ZNF780A: variants seen among roughly 807,000 people sequenced by gnomAD.
ZNF780A encodes zinc finger protein 780A.
In ZNF780A, 40 loss-of-function variants were observed where a neutral mutation model predicts 56.7. The ratio of observed to expected loss-of-function variants is 0.71; its 90% CI spans 0.55 to 0.92. The LOEUF (loss-of-function observed/expected upper bound fraction) is 0.92, where lower values mean the gene tolerates loss of function less well. Ranked by LOEUF, ZNF780A falls within the 40% of genes least tolerant of loss-of-function variation. ZNF780A has a pLI of 0.00. For synonymous variants in ZNF780A, 231 were observed against 248.3 expected, an observed-to-expected ratio of 0.93 and a Z score of 0.66; for missense variants, 672 against 783.3, an observed-to-expected ratio of 0.86 and a Z score of 1.70.
downstream of ZNF780A, chr19:40,070,163 A>G (rs551940043): frequency 2.6e-5 from 4 of 152,296 alleles, no homozygotes; most frequent in South Asian, 4.1e-4. Context: ...AGTTACTCCA[A>G]TAAGATATGA....
Position 40,075,135 on chromosome 19 carries a change from T to C in ZNF780A, c.1307A>G (p.Gln436Arg). Residue 436 changes from glutamine to arginine, a missense_variant, in exon 6 of 6, where the codon CAG becomes CGG. By Grantham distance (43) the Gln-to-Arg change is conservative. Transcript: ENST00000683561. ...AGGTTTCTCATTGGAATGAATTTTC[T>C]GATGCTGAATAAGGTGTGCACCACG... ...FNRGAHLIQH[Q>R]KIHSNEKPFV... The C allele has an allele frequency of 6.2e-7, 1 of 1,614,080 alleles. No homozygotes were observed. Among genetic ancestry groups the C allele is most frequent in the East Asian group, 2.2e-5 (1 of 44,860 alleles).
chr19:40,074,859 G>C lies in ZNF780A; in HGVS notation c.1583C>G (p.Pro528Arg), dbSNP rs772399293. Residue 528 changes from proline to arginine, a missense_variant, in exon 6 of 6, where the codon CCA becomes CGA. By Grantham distance (103) the Pro-to-Arg change is moderately radical. Transcript: ENST00000683561. ...TTTCCCACATTCCTTACATTCAAAT[G>C]GTTTTTCACCTGTGTGAGTTTTCTG... ...QHQKTHTGEK[P>R]FECKECGKFF... 1.9e-6 allele frequency: 3 copies of C among 1,614,150 alleles called. No homozygotes were observed. Among genetic ancestry groups the C allele is most frequent in the South Asian group, 2.2e-5 (2 of 91,074 alleles).
At position 40,073,660 on chromosome 19, in the gene ZNF780A, G is replaced by A. The variant is rs928937177; in HGVS notation, c.*856C>T. 21 of 985,688 alleles carry A rather than the reference G, an allele frequency of 2.1e-5. No individual in the cohort carries two copies. In the East Asian group the frequency reaches 3.4e-4, roughly 16 times the overall value. 61.1% of individuals were successfully genotyped at this position (985,688 alleles called of 1,614,324 possible). On this transcript the variant is annotated 3_prime_UTR_variant, in exon 6 of 6. Coordinates refer to ENST00000683561, the MANE Select transcript of ZNF780A (RefSeq NM_001142578.2). ...AAGGTATTTAGTGTGGCTATAAAAC[G>A]CCCCACATTCCTTACACTCAAAGAT...
At chr19:40,089,276 G>T in intron 2 of ZNF780A, 5 of 1,424,022 alleles carry the variant, frequency 3.5e-6, no homozygotes, top group Non-Finnish European at 4.7e-6. Flanking sequence ...ACTTCATGTT[G>T]CACATGATAA....
chr19:40,083,313 G>A (rs769788826), intron 3 of ZNF780A, 76 bp from the exon 4 acceptor site: 1 of 1,581,694 alleles, frequency 6.3e-7, no homozygotes, highest in Admixed American at 1.9e-5. Flanking sequence ...AAGTGAAGGA[G>A]TGTAGTGTAA....
rs533684472 is a variant in ZNF780A, at chr19:40,086,772, G to A, written c.-45-1974C>T. On this transcript the variant is annotated intron_variant, in intron 2 of 5. Coordinates refer to ENST00000683561, the MANE Select transcript of ZNF780A (RefSeq NM_001142578.2). ...GGCTGGAGTGCTGTGGCCTGATCTC[G>A]GCTCACTGCAACCTCAGCCTCCCAG... Among the ~76,000 whole-genome samples, 7 of 152,040 alleles carry A rather than the reference G, an allele frequency of 4.6e-5. No individual in the cohort carries two copies. The East Asian group carries it at 7.7e-4, about 17-fold the overall frequency.
At position 40,075,198 on chromosome 19, in the gene ZNF780A, T is replaced by C; in HGVS notation, c.1244A>G (p.Lys415Arg). The change falls in exon 6 of 6, where the codon AAA becomes AGA. Residue 415 changes from lysine to arginine, a missense_variant. Coordinates refer to ENST00000683561, the MANE Select transcript of ZNF780A (RefSeq NM_001142578.2). Reference sequence around the variant, plus strand: ...CCCACACTCCTTACATTCATATGGTTTTATACCAGCATGAATACTCTGATG... The same window carrying C: ...CCCACACTCCTTACATTCATATGGTCTTATACCAGCATGAATACTCTGATG... ...VQHQSIHAGI[K>R]PYECKECGKG... 1 of 1,613,348 alleles carries C rather than the reference T, an allele frequency of 6.2e-7. No homozygotes were observed.
chr19:40,074,184 A>G lies in ZNF780A; in HGVS notation c.*332T>C. On this transcript the variant is annotated 3_prime_UTR_variant, in exon 6 of 6. Coordinates refer to ENST00000683561, the MANE Select transcript of ZNF780A (RefSeq NM_001142578.2). The stretch of plus-strand genomic sequence containing the variant: ...GGCCTTCCCACATTTCTCAAATTCA[A>G]ATGGCTTCTCGCCAGTATGAATGAC... 23 of 1,393,642 alleles carry G rather than the reference A, an allele frequency of 1.7e-5. No homozygotes were observed. The highest frequency in any genetic ancestry group is 2.2e-5 in the Non-Finnish European group (23 of 1,061,176). The allele number at this position is 1,393,642 out of a possible 1,614,324, so 86.3% of individuals were successfully genotyped here.
chr19:40,075,919 T>G lies in ZNF780A; in HGVS notation c.523A>C (p.Ser175Arg). Residue 175 changes from serine (S) to arginine (R), a missense_variant, in exon 6 of 6, where the codon AGT (serine) becomes CGT (arginine). By Grantham distance (110) the Ser-to-Arg change is moderately radical (BLOSUM62 -1). Coordinates refer to ENST00000683561, the MANE Select transcript of ZNF780A (RefSeq NM_001142578.2). ...YECKECGKYFSRSANLIQHQS... is the reference protein window; with the variant it reads ...YECKECGKYFRRSANLIQHQS... Reference sequence around the variant, plus strand: ...TGCTGAATAAGATTTGCACTACGACTAAAGTATTTCCCACATTCCTTACAT... The same window carrying G: ...TGCTGAATAAGATTTGCACTACGACGAAAGTATTTCCCACATTCCTTACAT... 6.2e-7 allele frequency: 1 copy of G among 1,614,136 alleles called. No homozygotes were observed. The highest frequency in any genetic ancestry group is 8.5e-7 in the Non-Finnish European group (1 of 1,180,000).
At chr19:40,080,181 C>T (rs946667523) in intron 5 of ZNF780A, among the ~76,000 whole-genome samples, 2 of 151,946 alleles carry the variant, frequency 1.3e-5, no homozygotes, top group Admixed American at 1.3e-4. Flanking sequence ...AAAAAGAAAA[C>T]TCCAGGACTG....
intron 5 of ZNF780A, among the ~76,000 whole-genome samples, chr19:40,077,882 CAAA>C (rs1212498266): frequency 9.0e-6 from 1 of 111,636 alleles, no homozygotes. Flanking sequence ...CAGGAAATAA[CAAA>C]AAAAAAAAAA....
chr19:40,078,160 T>C (rs191339140), intron 5 of ZNF780A, among the ~76,000 whole-genome samples: 8 of 150,242 alleles, frequency 5.3e-5, no homozygotes, highest in Admixed American at 5.3e-4. Context: ...AAATATAAAA[T>C]ACATTCAAAA....
rs138359515 is a variant in ZNF780A at position 40,088,094 on chromosome 19, G to C, written c.-46+2072C>G. 3.4e-4 allele frequency among the ~76,000 whole-genome samples: 52 copies of C among 152,246 alleles called. No individual in the cohort carries two copies. The East Asian group carries it at 0.01, about 29-fold the overall frequency. ...CATAGGGGGAAAGCTCTGTGAAACT[G>C]ATCTGAGCAATGATTTTTTTTGGGA... On this transcript the variant is annotated intron_variant, in intron 2 of 5. Transcript: ENST00000683561.
rs138807235 is a variant in ZNF780A at position 40,076,081 on chromosome 19, C to G, written c.361G>C (p.Asp121His). The G allele has an allele frequency of 6.2e-7, 1 of 1,613,716 alleles. No individual in the cohort carries two copies. Among genetic ancestry groups the G allele is most frequent in the South Asian group, 1.1e-5 (1 of 90,980 alleles). ...LGIEAFYFRN[D>H]SEYRQFEGLQ... ...CCCTCAAATTGTCTATATTCTGAGT[C>G]ATTTCTAAAATAAAAGGCCTCAATG... The change falls in exon 6 of 6, where the codon GAC becomes CAC. Residue 121 changes from aspartate to histidine, a missense_variant. Physicochemically the swap from Asp to His is moderately conservative, Grantham distance 81. Transcript: ENST00000683561.
intron 5 of ZNF780A, among the ~76,000 whole-genome samples, chr19:40,076,695 G>A (rs1005170740): frequency 6.6e-6 from 1 of 152,126 alleles, no homozygotes; most frequent in African/African-American, 2.4e-5. Flanking sequence ...TACAACTGGG[G>A]GGCCTAAGGT....
At chr19:40,086,933 C>T (rs1974834163) in intron 2 of ZNF780A, among the ~76,000 whole-genome samples, 1 of 152,074 alleles carries the variant, frequency 6.6e-6, no homozygotes, top group Non-Finnish European at 1.5e-5. Flanking sequence ...AAACTCCTGA[C>T]CTCAAATGAT....
At chr19:40,077,983 A>C (rs1974241706) in intron 5 of ZNF780A, among the ~76,000 whole-genome samples, 1 of 151,896 alleles carries the variant, frequency 6.6e-6, no homozygotes, top group Non-Finnish European at 1.5e-5. Context: ...CTAGCAAAAG[A>C]ATTCAAAATA....
intron 2 of ZNF780A, among the ~76,000 whole-genome samples, 178 bp from the exon 3 acceptor site, chr19:40,084,976 G>A (rs932467152): frequency 6.6e-6 from 1 of 152,222 alleles, no homozygotes; most frequent in African/African-American, 2.4e-5. Flanking sequence ...GCAGTGAACG[G>A]GTGGAGTAGG....
chr19:40,072,743 G>C, downstream of ZNF780A: 1 of 1,322,742 alleles, frequency 7.6e-7, no homozygotes, highest in Non-Finnish European at 9.6e-7. Context: ...CAATCACCTG[G>C]AGAAATAATA....
Sources: allele counts gnomAD v4.1 joint callset (sites outside exome capture counted in the v4.1 genomes callset), GRCh38; gene constraint gnomAD v4.1.1; transcripts MANE v1.5; gene names NCBI Gene and HGNC (gene_info 2026-07-23, HGNC 2026-07-21).